SCML2: variants seen among roughly 807,000 people sequenced by gnomAD.
The protein encoded by SCML2 is Scm polycomb group protein like 2, also known as sex comb on midleg-like protein 2.
In SCML2, 6 loss-of-function variants were observed where a neutral mutation model predicts 48.4. The ratio of observed to expected loss-of-function variants is 0.12; its 90% CI spans 0.07 to 0.24. SCML2 has a LOEUF of 0.24. Among genes scored for constraint, SCML2 ranks in the 10% least tolerant of loss-of-function variants. SCML2 has a pLI of 1.00. For synonymous variants in SCML2, 181 were observed against 189.5 expected (o/e 0.95, Z 0.37); for missense variants, 377 against 528.2 (o/e 0.71, Z 2.81).
intron 11 of SCML2, among the ~76,000 whole-genome samples, chrX:18,256,444 C>T (rs1926845454): frequency 1.8e-5 from 2 of 111,349 alleles, no homozygotes; most frequent in African/African-American, 3.3e-5. Flanking sequence ...CAGAGTGAGA[C>T]TCTGTCTCCA....
chrX:18,250,053 G>A, intron 11 of SCML2, among the ~76,000 whole-genome samples: 1 of 110,948 alleles, frequency 9.0e-6, no homozygotes, highest in South Asian at 3.9e-4. Flanking sequence ...CTAGGGAGAA[G>A]GGAATCTGAT....
At chrX:18,320,671 CACAA>C (rs950382441) in intron 5 of SCML2, among the ~76,000 whole-genome samples, 2 of 110,970 alleles carry the variant, frequency 1.8e-5, no homozygotes. Context: ...AGCTAGAATT[CACAA>C]ACAAACATGT....
intron 7 of SCML2, among the ~76,000 whole-genome samples, chrX:18,299,187 A>C (rs1034679118): frequency 5.4e-5 from 6 of 111,898 alleles, no homozygotes; most frequent in Non-Finnish European, 1.1e-4. Flanking sequence ...GGAACTCAAC[A>C]GCAAGAAAAA....
intron 7 of SCML2, among the ~76,000 whole-genome samples, chrX:18,267,654 C>G (rs905644215): frequency 1.9e-5 from 2 of 107,746 alleles, no homozygotes; most frequent in African/African-American, 6.8e-5. Context: ...GGCGCGATCT[C>G]AGCTCACTGC....
chrX:18,305,896 G>A (rs1928741250), intron 6 of SCML2, among the ~76,000 whole-genome samples: 1 of 110,956 alleles, frequency 9.0e-6, no homozygotes, highest in African/African-American at 3.3e-5. Flanking sequence ...GTTAAAGCAC[G>A]TAAATGTTAA....
intron 6 of SCML2, among the ~76,000 whole-genome samples, chrX:18,318,378 G>T (rs1281127458): frequency 8.9e-6 from 1 of 112,744 alleles, no homozygotes; most frequent in Non-Finnish European, 1.9e-5. Context: ...ACCATTCCAA[G>T]TATAGTTGTA....
chrX:18,244,404 A>G (rs1050721557), intron 13 of SCML2, among the ~76,000 whole-genome samples: 1 of 112,220 alleles, frequency 8.9e-6, no homozygotes, highest in Middle Eastern at 4.6e-3. Flanking sequence ...TATGTTTTGA[A>G]TAACATGTAA....
chrX:18,310,021 A>AACTAT (rs1928896924), intron 6 of SCML2, among the ~76,000 whole-genome samples: 2 of 111,912 alleles, frequency 1.8e-5, no homozygotes, highest in Non-Finnish European at 3.8e-5. Context: ...ATTTAACTAT[A>AACTAT]AAAATGAAAT....
In SCML2 at chrX:18,319,607, AC is replaced by A. The variant is rs1472187775; in HGVS notation, c.486+724del. Among the ~76,000 whole-genome samples, 496 of 106,633 alleles carry A rather than the reference AC, an allele frequency of 4.7e-3. 7 individuals carry two copies. The highest frequency in any genetic ancestry group is 0.02 in the South Asian group (48 of 2,389). The allele number at this position is 106,633 out of a possible 115,157, so 92.6% of individuals were successfully genotyped here. On this transcript the variant is annotated intron_variant, in intron 6 of 14. Transcript: ENST00000251900. ...TGAGACTCTGTCTCAAAAAAAAAAA[AC>A]AAAAAAAAAAAAACCTGCTGACACC...
chrX:18,262,337 CTTTTTTTTTTTTT>C (rs780523423), intron 8 of SCML2, among the ~76,000 whole-genome samples: 2 of 78,470 alleles, frequency 2.5e-5, no homozygotes, highest in African/African-American at 1.1e-4. Flanking sequence ...CTGGGTCTAC[CTTTTTTTTTTTTT>C]TTTTTTTTGA....
In SCML2 at chrX:18,265,783, T is replaced by G; in HGVS notation, c.750A>C (p.Ile250=). The G allele has an allele frequency of 8.3e-7, 1 of 1,205,366 alleles. No homozygotes were observed. Among genetic ancestry groups the G allele is most frequent in the Non-Finnish European group, 1.1e-6 (1 of 890,594 alleles). The part of the protein sequence containing the change: ...PGTSVPIVKN[I]AKTESSPSEA... ...CGGAAGGAGAAGACTCTGTTTTTGC[T>G]ATATTCTTTACAATAGGAACTGAGG... Residue 250 remains isoleucine, a synonymous_variant, in exon 8 of 15, where the codon ATA becomes ATC. Transcript: ENST00000251900.
At position 18,242,475 on chromosome X, in the gene SCML2, C is replaced by T. The variant is rs745963601; in HGVS notation, c.1938G>A (p.Gln646=). The T allele has an allele frequency of 8.3e-7, 1 of 1,202,894 alleles. No individual in the cohort carries two copies. Among genetic ancestry groups the T allele is most frequent in the South Asian group, 1.8e-5 (1 of 54,797 alleles). The stretch of plus-strand genomic sequence containing the variant: ...AGAGGTCGGCGAGGGGGCCTGATAT[C>T]TGAGGATCTGTATGTTTCATAAACT... The part of the protein sequence containing the change: ...VIQFMKHTDP[Q]ISGPLADLFR... Residue 646 remains glutamine (Q), a synonymous_variant, in exon 14 of 15, where the codon CAG becomes CAA. Coordinates refer to ENST00000251900, the MANE Select transcript of SCML2 (RefSeq NM_006089.3).
chrX:18,319,473 G>A (rs1396230604), intron 6 of SCML2, among the ~76,000 whole-genome samples: 1 of 108,787 alleles, frequency 9.2e-6, no homozygotes, highest in Admixed American at 9.9e-5. Flanking sequence ...GATGGTGCAC[G>A]CCTGTAGTCC....
intron 13 of SCML2, among the ~76,000 whole-genome samples, chrX:18,244,990 C>T (rs776459682): frequency 1.8e-5 from 2 of 111,543 alleles, no homozygotes; most frequent in Non-Finnish European, 3.8e-5. Context: ...AAGAGTACAA[C>T]CCTGGAGTCA....
chrX:18,338,514 T>C (rs758298705), intron 1 of SCML2, among the ~76,000 whole-genome samples: 30 of 104,659 alleles, frequency 2.9e-4, no homozygotes, highest in African/African-American at 9.8e-4. Context: ...ATGTGCAATC[T>C]AAAATAGTTG....
At chrX:18,342,634 C>T (rs992955056) in intron 1 of SCML2, among the ~76,000 whole-genome samples, 16 of 109,523 alleles carry the variant, frequency 1.5e-4, no homozygotes, top group African/African-American at 5.3e-4. Flanking sequence ...ATTGCTTGAA[C>T]CCAGGAGGTG....
chrX:18,347,312 G>GTA (rs1930228642), intron 1 of SCML2, among the ~76,000 whole-genome samples: 1 of 108,735 alleles, frequency 9.2e-6, no homozygotes, highest in Non-Finnish European at 1.9e-5. Context: ...GGGTGTGGTG[G>GTA]CGGGCACCTG....
chrX:18,280,869 G>A (rs1015218102), intron 7 of SCML2, among the ~76,000 whole-genome samples: 7 of 109,769 alleles, frequency 6.4e-5, no homozygotes, highest in Non-Finnish European at 1.3e-4. Flanking sequence ...GTTCTTCCTG[G>A]CCTAAGAAAA....
At chrX:18,323,416 G>A (rs1206114446) in intron 5 of SCML2, among the ~76,000 whole-genome samples, 1 of 111,813 alleles carries the variant, frequency 8.9e-6, no homozygotes, top group African/African-American at 3.3e-5. Flanking sequence ...AAATTCTTGA[G>A]TTTGAAACTG....
Sources: gnomAD v4.1 joint callset for allele counts (sites outside exome capture counted in the v4.1 genomes callset) on GRCh38, gnomAD v4.1.1 for gene constraint, MANE v1.5 for transcripts, NCBI Gene and HGNC (gene_info 2026-07-23, HGNC 2026-07-21) for gene names.